Variants in RAB9A observed in about 807,000 individuals in gnomAD.
The protein encoded by RAB9A is RAB9A, member RAS oncogene family.
Under a neutral mutation model 10.3 loss-of-function variants are expected in RAB9A, and 1 was observed. The observed-to-expected ratio is 0.10, with a 90% CI of 0.03 to 0.46. RAB9A has a LOEUF of 0.46. Ranked by LOEUF, RAB9A falls within the 20% of genes least tolerant of loss-of-function variation. The probability of loss-of-function intolerance (pLI) is 0.96; values close to 1 mark genes in which losing one functional copy is unlikely to be tolerated. For synonymous variants in RAB9A, 39 were observed against 55.2 expected (o/e 0.71, Z 1.30); for missense variants, 92 against 150.3 (o/e 0.61, Z 2.03).
chrX:13,696,686 CT>C (rs1395216599), intron 1 of RAB9A, among the ~76,000 whole-genome samples: 5 of 111,851 alleles, frequency 4.5e-5, no homozygotes, highest in African/African-American at 1.6e-4. Context: ...ATTAGGAGGT[CT>C]TTGGTGACTT....
chrX:13,708,089 A>G, intron 2 of RAB9A, among the ~76,000 whole-genome samples: 1 of 111,710 alleles, frequency 9.0e-6, no homozygotes, highest in Middle Eastern at 4.6e-3. Context: ...TGGGAGGCCA[A>G]GACAGGTGGA....
chrX:13,708,328 AAAAC>A (rs1404439754), intron 2 of RAB9A, among the ~76,000 whole-genome samples: 3 of 108,154 alleles, frequency 2.8e-5, no homozygotes, highest in African/African-American at 1.0e-4. Flanking sequence ...CTCAAAAAAA[AAAAC>A]AAAACCAAAA....
At position 13,709,156 on chromosome X, in the gene RAB9A, A is replaced by C. The variant is rs748648202; in HGVS notation, c.410A>C (p.Glu137Ala). 5.8e-6 allele frequency: 7 copies of C among 1,211,984 alleles called. No homozygotes were observed. In the South Asian group the frequency reaches 1.1e-4, roughly 18 times the overall value. Residue 137 changes from glutamate to alanine, a missense_variant, in exon 3 of 3, where the codon GAA (glutamate) becomes GCA (alanine). Physicochemically the swap from Glu to Ala is moderately radical, Grantham distance 107 (BLOSUM62 -1). Transcript: ENST00000464506. ...DISERQVSTE[E>A]AQAWCRDNGD... ...AGCGAACGGCAGGTGTCTACAGAAGAAGCCCAAGCTTGGTGCAGGGACAAC... is the reference window on the plus strand; with the variant it reads ...AGCGAACGGCAGGTGTCTACAGAAGCAGCCCAAGCTTGGTGCAGGGACAAC...
At chrX:13,691,698 T>C (rs1462410730) in intron 1 of RAB9A, among the ~76,000 whole-genome samples, 2 of 91,304 alleles carry the variant, frequency 2.2e-5, no homozygotes, top group African/African-American at 8.2e-5. Flanking sequence ...GACCAAATAA[T>C]TTCTGGTAGC....
At chrX:13,697,995 A>G (rs2046155145) in intron 1 of RAB9A, among the ~76,000 whole-genome samples, 1 of 111,090 alleles carries the variant, frequency 9.0e-6, no homozygotes, top group African/African-American at 3.3e-5. Context: ...TAAATGAAAA[A>G]TTCAGTTCTT....
At chrX:13,689,770 CT>C (rs1204304265) in intron 1 of RAB9A, among the ~76,000 whole-genome samples, 1 of 111,896 alleles carries the variant, frequency 8.9e-6, no homozygotes, top group African/African-American at 3.2e-5. Context: ...TGCTCGATGT[CT>C]TACGACCACT....
At chrX:13,700,725 A>AT (rs976493902) in intron 1 of RAB9A, among the ~76,000 whole-genome samples, 4 of 111,399 alleles carry the variant, frequency 3.6e-5, no homozygotes, top group African/African-American at 1.3e-4. Context: ...CTAGGGTCAT[A>AT]TTTTTAATTC....
At position 13,708,990 on chromosome X, in the gene RAB9A, T is replaced by G; in HGVS notation, c.244T>G (p.Cys82Gly). The G allele has an allele frequency of 8.3e-7, 1 of 1,211,893 alleles. No homozygotes were observed. Among genetic ancestry groups the G allele is most frequent in the South Asian group, 1.8e-5 (1 of 56,966 alleles). ...LRTPFYRGSD[C>G]CLLTFSVDDS... ...GACACCATTTTACAGAGGTTCTGAC[T>G]GCTGCCTGCTTACTTTTAGTGTCGA... The change falls in exon 3 of 3, where the codon TGC becomes GGC. Residue 82 changes from cysteine to glycine, a missense_variant. Coordinates refer to ENST00000464506, the MANE Select transcript of RAB9A (RefSeq NM_004251.5).
intron 2 of RAB9A, among the ~76,000 whole-genome samples, chrX:13,704,938 A>G (rs1204766217): frequency 8.9e-6 from 1 of 111,874 alleles, no homozygotes; most frequent in Non-Finnish European, 1.9e-5. Flanking sequence ...AGATTTCTTT[A>G]TAGAATTTAG....
chrX:13,689,966 CT>C (rs5901512), intron 1 of RAB9A, among the ~76,000 whole-genome samples: 11,288 of 95,350 alleles, frequency 0.12, 1,499 homozygotes, highest in African/African-American at 0.37. Flanking sequence ...GGACGTATTG[CT>C]TTTTTTTTTT....
At position 13,699,809 on chromosome X, in the gene RAB9A, A is replaced by G. The variant is rs777130298; in HGVS notation, c.-115-4005A>G. On this transcript the variant is annotated intron_variant, in intron 1 of 2. Transcript: ENST00000464506. ...GGGACAGGCTTGTAACTGACATTGA[A>G]TAGCTCTTTGAATGCCATGCTCAAA... is the stretch of plus-strand genomic sequence containing the variant. Among the ~76,000 whole-genome samples, 184 of 112,303 alleles carry G rather than the reference A, an allele frequency of 1.6e-3. 1 individual carries two copies. The highest frequency in any genetic ancestry group is 2.8e-3 in the Admixed American group (30 of 10,628).
intron 1 of RAB9A, among the ~76,000 whole-genome samples, chrX:13,694,554 G>A (rs1455147230): frequency 1.8e-5 from 2 of 112,003 alleles, no homozygotes; most frequent in Non-Finnish European, 3.8e-5. Flanking sequence ...TCATCGAAAG[G>A]AATGCAGTGC....
intron 1 of RAB9A, among the ~76,000 whole-genome samples, chrX:13,699,910 T>TA (rs1217895587): frequency 8.9e-6 from 1 of 112,137 alleles, no homozygotes; most frequent in African/African-American, 3.2e-5. Flanking sequence ...CCAGGACCAA[T>TA]AAAAAAAGTC....
At chrX:13,707,749 G>A (rs1291583167) in intron 2 of RAB9A, among the ~76,000 whole-genome samples, 2 of 112,601 alleles carry the variant, frequency 1.8e-5, no homozygotes, top group Non-Finnish European at 1.9e-5. Flanking sequence ...CTTGTGGATA[G>A]AATGTGCTAG....
chrX:13,708,438 C>T (rs1602700619), intron 2 of RAB9A, among the ~76,000 whole-genome samples: 1 of 111,186 alleles, frequency 9.0e-6, no homozygotes, highest in Non-Finnish European at 1.9e-5. Context: ...CATAGAGTAA[C>T]GGTTCAGAGC....
At chrX:13,699,270 G>A (rs975325888) in intron 1 of RAB9A, among the ~76,000 whole-genome samples, 1 of 111,966 alleles carries the variant, frequency 8.9e-6, no homozygotes, top group African/African-American at 3.2e-5. Context: ...AATAGAATGC[G>A]GGGAGAACTG....
intron 1 of RAB9A, among the ~76,000 whole-genome samples, chrX:13,699,354 A>G (rs1000913603): frequency 2.7e-5 from 3 of 112,434 alleles, no homozygotes; most frequent in Non-Finnish European, 3.8e-5. Context: ...TAAAAGAGGA[A>G]GTAATATACT....
chrX:13,696,414 T>G (rs944846882), intron 1 of RAB9A, among the ~76,000 whole-genome samples: 4 of 110,434 alleles, frequency 3.6e-5, no homozygotes, highest in Non-Finnish European at 5.7e-5. Context: ...AGAGAAAGAC[T>G]CTGTCTTTTA....
chrX:13,707,128 GT>G (rs1183840425), intron 2 of RAB9A, among the ~76,000 whole-genome samples: 2 of 112,196 alleles, frequency 1.8e-5, no homozygotes, highest in Non-Finnish European at 3.8e-5. Flanking sequence ...TTAAAATGCG[GT>G]TTTTCACTTC....
Sources: allele counts gnomAD v4.1 joint callset (sites outside exome capture counted in the v4.1 genomes callset), GRCh38; gene constraint gnomAD v4.1.1; transcripts MANE v1.5; gene names NCBI Gene and HGNC (gene_info 2026-07-23, HGNC 2026-07-21).